The following ITPR1 variants were observed in gnomAD, a reference collection of about 807,000 sequenced individuals.
ITPR1 encodes the protein inositol 1,4,5-trisphosphate receptor type 1.
In ITPR1, 96 loss-of-function variants were observed where a neutral mutation model predicts 318.4. The observed-to-expected ratio is 0.30, with a 90% CI of 0.26 to 0.36. The LOEUF (loss-of-function observed/expected upper bound fraction) is 0.36, where lower values mean the gene tolerates loss of function less well. Among genes scored for constraint, ITPR1 ranks in the 10% least tolerant of loss-of-function variants. The pLI is 1.00. For synonymous variants in ITPR1, 1,312 were observed against 1,289.9 expected, an observed-to-expected ratio of 1.02 and a Z score of -0.37; for missense variants, 2,440 against 3,460.2, an observed-to-expected ratio of 0.71 and a Z score of 7.40.
chr3:4,554,740 G>T (rs963895508), intron 4 of ITPR1, among the ~76,000 whole-genome samples: 4 of 152,156 alleles, frequency 2.6e-5, no homozygotes, highest in Non-Finnish European at 5.9e-5. Context: ...ACTGGTCATT[G>T]GGTGGAGGAT....
At chr3:4,751,780 T>C (rs891365682) in intron 44 of ITPR1, among the ~76,000 whole-genome samples, 3 of 152,180 alleles carry the variant, frequency 2.0e-5, no homozygotes, top group African/African-American at 7.2e-5. Flanking sequence ...AACTTCATGG[T>C]TGAGACTGTT....
chr3:4,641,067 A>G (rs1397771628), intron 6 of ITPR1, among the ~76,000 whole-genome samples: 1 of 152,222 alleles, frequency 6.6e-6, no homozygotes, highest in African/African-American at 2.4e-5. Flanking sequence ...TAGCAGCTGT[A>G]TCTGTTACAT....
intron 4 of ITPR1, among the ~76,000 whole-genome samples, chr3:4,581,695 A>G (rs977045943): frequency 6.6e-6 from 1 of 152,196 alleles, no homozygotes; most frequent in African/African-American, 2.4e-5. Flanking sequence ...TGTAGGGGGA[A>G]CCGTGTTGTT....
chr3:4,795,271 A>G (rs2047825897), intron 53 of ITPR1, 84 bp downstream of exon 53: 1 of 1,386,210 alleles, frequency 7.2e-7, no homozygotes, highest in Non-Finnish European at 9.9e-7. Flanking sequence ...TCCTGGATGT[A>G]TTGGTGCAGT....
chr3:4,766,454 T>C (rs2045825584), intron 44 of ITPR1, 76 bp from the exon 45 acceptor site: 1 of 1,251,654 alleles, frequency 8.0e-7, no homozygotes, highest in Non-Finnish European at 1.1e-6. Flanking sequence ...TGATCTTCAT[T>C]AGGTTTTGGT....
At chr3:4,651,043 T>A (rs2093586361) in intron 10 of ITPR1, among the ~76,000 whole-genome samples, 1 of 152,170 alleles carries the variant, frequency 6.6e-6, no homozygotes, top group African/African-American at 2.4e-5. Context: ...ATTTTGGGGC[T>A]AGGTTAACTC....
At chr3:4,844,423 C>A (rs2051603914) in intron 61 of ITPR1, among the ~76,000 whole-genome samples, 2 of 152,168 alleles carry the variant, frequency 1.3e-5, no homozygotes, top group Non-Finnish European at 2.9e-5. Flanking sequence ...CTGCACCTGG[C>A]TGAGCACACC....
chr3:4,547,726 G>A (rs975173823), intron 4 of ITPR1, among the ~76,000 whole-genome samples: 39 of 152,146 alleles, frequency 2.6e-4, no homozygotes, highest in Non-Finnish European at 7.3e-5. Flanking sequence ...TTCATATGCA[G>A]TTACACTGGG....
At chr3:4,744,610 G>T (rs567732363) in intron 44 of ITPR1, among the ~76,000 whole-genome samples, 2 of 152,314 alleles carry the variant, frequency 1.3e-5, no homozygotes, top group Non-Finnish European at 2.9e-5. Flanking sequence ...GACCCTCAGC[G>T]TGTGAAATGT....
chr3:4,787,947 A>G lies in ITPR1; in HGVS notation c.6616A>G (p.Ile2206Val). The G allele has an allele frequency of 3.1e-6, 5 of 1,603,830 alleles. No homozygotes were observed. Among genetic ancestry groups the G allele is most frequent in the Non-Finnish European group, 4.3e-6 (5 of 1,174,364 alleles). Residue 2206 changes from isoleucine to valine, a missense_variant and splice_region_variant, in exon 52 of 62, where the codon ATT becomes GTT. Transcript: ENST00000649015. The stretch of plus-strand genomic sequence containing the variant: ...AATCTCATCCACTTTTTCATCCTAG[A>G]TTGTCAGATTAGACCGAACAATGGA... The part of the protein sequence containing the change: ...FYAKHTAQIE[I>V]VRLDRTMEQI...
chr3:4,653,760 G>A, intron 11 of ITPR1, 82 bp from the exon 12 acceptor site: 1 of 932,288 alleles, frequency 1.1e-6, no homozygotes, highest in South Asian at 1.4e-5. Flanking sequence ...ATGTTTGCAG[G>A]CCTTGAAGTC....
At chr3:4,810,333 C>G (rs874130) in intron 55 of ITPR1, among the ~76,000 whole-genome samples, 35,837 of 152,110 alleles carry the variant, frequency 0.24, 5,219 homozygotes, top group Non-Finnish European at 0.33. Flanking sequence ...ACACTCCCCA[C>G]CATTCTCCCA....
At chr3:4,643,921 G>A (rs1038467692) in intron 7 of ITPR1, among the ~76,000 whole-genome samples, 1 of 150,582 alleles carries the variant, frequency 6.6e-6, no homozygotes, top group Non-Finnish European at 1.5e-5. Context: ...AGTGACACTC[G>A]AGGAACAACA....
intron 44 of ITPR1, among the ~76,000 whole-genome samples, chr3:4,739,708 A>G (rs2043560059): frequency 6.6e-6 from 1 of 152,188 alleles, no homozygotes; most frequent in African/African-American, 2.4e-5. Flanking sequence ...GCCTAAAGCA[A>G]TGGCCATTTT....
intron 54 of ITPR1, 100 bp downstream of exon 54, chr3:4,800,700 A>T: frequency 8.0e-7 from 1 of 1,246,872 alleles, no homozygotes; most frequent in Non-Finnish European, 1.1e-6. Context: ...TTCAGTCCAG[A>T]AAATTATTGT....
intron 20 of ITPR1, among the ~76,000 whole-genome samples, chr3:4,671,310 A>G: frequency 6.6e-6 from 1 of 152,228 alleles, no homozygotes; most frequent in Non-Finnish European, 1.5e-5. Flanking sequence ...TGCAAAATGA[A>G]GGTGATAGTG....
chr3:4,665,498 C>G (rs2093926827), intron 17 of ITPR1, among the ~76,000 whole-genome samples: 2 of 152,198 alleles, frequency 1.3e-5, no homozygotes, highest in African/African-American at 4.8e-5. Context: ...GGAGAATTCT[C>G]TTCTGCAGAC....
chr3:4,715,618 C>T (rs1208512464), intron 39 of ITPR1, among the ~76,000 whole-genome samples: 3 of 152,066 alleles, frequency 2.0e-5, no homozygotes, highest in East Asian at 1.9e-4. Flanking sequence ...TTTGGGAGGC[C>T]GAGGCGGGTG....
intron 44 of ITPR1, among the ~76,000 whole-genome samples, chr3:4,737,495 G>T (rs1195771209): frequency 6.6e-6 from 1 of 152,214 alleles, no homozygotes; most frequent in African/African-American, 2.4e-5. Flanking sequence ...GAGAGCAGCA[G>T]TTGGGTTTCC....
Sources: gnomAD v4.1 joint callset for allele counts (sites outside exome capture counted in the v4.1 genomes callset) on GRCh38, gnomAD v4.1.1 for gene constraint, MANE v1.5 for transcripts, NCBI Gene and HGNC (gene_info 2026-07-23, HGNC 2026-07-21) for gene names.